Variants in CAMK4 observed in about 807,000 individuals in gnomAD.
CAMK4 encodes the protein calcium/calmodulin-dependent protein kinase type IV.
Under a neutral mutation model 44.9 loss-of-function variants are expected in CAMK4, and 22 were observed. The ratio of observed to expected loss-of-function variants is 0.49; its 90% confidence interval spans 0.35 to 0.70. CAMK4 has a LOEUF of 0.70. Among genes scored for constraint, CAMK4 ranks in the 30% least tolerant of loss-of-function variants. The pLI, the probability that CAMK4 is intolerant of heterozygous loss-of-function variation, is 0.01. For synonymous variants in CAMK4, 218 were observed against 215.4 expected, an observed-to-expected ratio of 1.01 and a Z score of -0.11; for missense variants, 498 against 586.8, an observed-to-expected ratio of 0.85 and a Z score of 1.56.
intron 4 of CAMK4, among the ~76,000 whole-genome samples, chr5:111,388,758 G>A (rs959369355): frequency 6.6e-5 from 10 of 152,144 alleles, no homozygotes; most frequent in African/African-American, 2.4e-4. Context: ...CAGTCTCTCC[G>A]TAATATTTAT....
chr5:111,329,491 A>T (rs115578317), intron 1 of CAMK4, among the ~76,000 whole-genome samples: 1,604 of 152,022 alleles, frequency 0.011, 34 homozygotes, highest in African/African-American at 0.037. Context: ...GCAGCATAAC[A>T]CTAATACCAC....
At chr5:111,434,884 T>C (rs1156587160) in intron 5 of CAMK4, among the ~76,000 whole-genome samples, 3 of 152,206 alleles carry the variant, frequency 2.0e-5, no homozygotes, top group Non-Finnish European at 2.9e-5. Flanking sequence ...GACTGTTTCT[T>C]CTTTGTCCTG....
intron 8 of CAMK4, among the ~76,000 whole-genome samples, chr5:111,476,455 T>G (rs1368464139): frequency 6.6e-6 from 1 of 151,930 alleles, no homozygotes; most frequent in African/African-American, 2.4e-5. Context: ...TTTTTTGTAT[T>G]TTTAGTAGAG....
chr5:111,465,980 A>G (rs1754813716), intron 7 of CAMK4, among the ~76,000 whole-genome samples: 1 of 152,270 alleles, frequency 6.6e-6, no homozygotes, highest in South Asian at 2.1e-4. Context: ...ATTCAACAGC[A>G]TATCAAAAAG....
chr5:111,226,060 C>G (rs139157349), intron 1 of CAMK4, among the ~76,000 whole-genome samples: 2 of 152,140 alleles, frequency 1.3e-5, no homozygotes, highest in African/African-American at 4.8e-5. Context: ...GGATGATCTA[C>G]TTAAAATTGT....
chr5:111,231,932 G>A (rs966610381), intron 1 of CAMK4, among the ~76,000 whole-genome samples: 17 of 152,322 alleles, frequency 1.1e-4, no homozygotes, highest in African/African-American at 4.1e-4. Context: ...GATGATCAAA[G>A]ATTAGCAGAG....
Position 111,473,305 on chromosome 5 carries a change from C to A in CAMK4, c.626-6C>A. On this transcript the variant is annotated splice_region_variant and splice_polypyrimidine_tract_variant and intron_variant, in intron 7 of 10. Coordinates refer to ENST00000282356, the MANE Select transcript of CAMK4 (RefSeq NM_001744.6). ...TAATTTAACACAATTTTCACTTTTTCTGCAGCACCTGAAATTCTTAGAGGT... is the reference window on the plus strand; with the variant it reads ...TAATTTAACACAATTTTCACTTTTTATGCAGCACCTGAAATTCTTAGAGGT... 6.2e-7 allele frequency: 1 copy of A among 1,601,800 alleles called. No individual in the cohort carries two copies. The highest frequency in any genetic ancestry group is 1.1e-5 in the South Asian group (1 of 90,518).
At chr5:111,388,139 C>T (rs1432917380) in intron 4 of CAMK4, among the ~76,000 whole-genome samples, 2 of 152,190 alleles carry the variant, frequency 1.3e-5, no homozygotes, top group East Asian at 1.9e-4. Flanking sequence ...TAGAAGTGGT[C>T]GAAGGGTGAT....
At chr5:111,433,422 A>G (rs574291946) in intron 5 of CAMK4, among the ~76,000 whole-genome samples, 11 of 152,328 alleles carry the variant, frequency 7.2e-5, no homozygotes, top group African/African-American at 2.2e-4. Context: ...TAGGATAGTC[A>G]TGCATTTTAC....
chr5:111,299,946 T>C (rs1747650869), intron 1 of CAMK4, among the ~76,000 whole-genome samples: 1 of 152,186 alleles, frequency 6.6e-6, no homozygotes, highest in Non-Finnish European at 1.5e-5. Flanking sequence ...TGTGGTGAGC[T>C]TTTCATGGGG....
upstream of CAMK4, chr5:111,224,290 G>T (rs1748050036): frequency 1.4e-6 from 1 of 706,956 alleles, no homozygotes; most frequent in Non-Finnish European, 2.0e-6. This position sits in a 1 kb window ranked among gnomAD's most constrained non-coding sequence, Gnocchi z 5.7. Flanking sequence ...TCCCCCTCGC[G>T]CCCTCTCGCA....
intron 1 of CAMK4, among the ~76,000 whole-genome samples, chr5:111,306,755 G>C: frequency 3.6e-5 from 1 of 27,752 alleles, no homozygotes; most frequent in Non-Finnish European, 6.5e-5. Context: ...CTACTTTAAA[G>C]TTCATATGGA....
At chr5:111,387,424 A>C (rs947393290) in intron 4 of CAMK4, among the ~76,000 whole-genome samples, 1 of 152,220 alleles carries the variant, frequency 6.6e-6, no homozygotes, top group African/African-American at 2.4e-5. Flanking sequence ...TTTGTCTAAA[A>C]TAAGTTTCTA....
intron 5 of CAMK4, among the ~76,000 whole-genome samples, chr5:111,418,780 T>C (rs1054635971): frequency 4.6e-5 from 7 of 152,182 alleles, no homozygotes; most frequent in Admixed American, 2.0e-4. Flanking sequence ...AGTCTTCATT[T>C]TTTATGGCTG....
chr5:111,423,605 T>C (rs1753108753), intron 5 of CAMK4, among the ~76,000 whole-genome samples: 1 of 152,244 alleles, frequency 6.6e-6, no homozygotes, highest in African/African-American at 2.4e-5. Context: ...ATTTAATGGC[T>C]CTCGATCCTG....
In CAMK4 at chr5:111,426,923, A is replaced by G. The variant is rs150836019; in HGVS notation, c.460-19763A>G. On this transcript the variant is annotated intron_variant, in intron 5 of 10. Coordinates refer to ENST00000282356, the MANE Select transcript of CAMK4 (RefSeq NM_001744.6). ...TCCAGGTAAACTTGCAAGGCAGTCT[A>G]GGCCACAAGGACTGCAACTCTTACA... Among the ~76,000 whole-genome samples, 578 of 152,300 alleles carry G rather than the reference A, an allele frequency of 3.8e-3. 3 individuals are homozygous for G. The highest frequency in any genetic ancestry group is 0.013 in the African/African-American group (556 of 41,556).
intron 1 of CAMK4, among the ~76,000 whole-genome samples, chr5:111,334,896 A>G (rs138644257): frequency 2.0e-5 from 3 of 151,686 alleles, no homozygotes; most frequent in East Asian, 3.9e-4. Flanking sequence ...CATCTTCAAC[A>G]TTAGAAAAAG....
intron 4 of CAMK4, among the ~76,000 whole-genome samples, chr5:111,385,595 A>G (rs755212455): frequency 1.3e-5 from 2 of 152,020 alleles, no homozygotes; most frequent in Non-Finnish European, 2.9e-5. Context: ...TGTTTTTGAG[A>G]CAGAGTCTCC....
chr5:111,244,077 A>C (rs1295166854), intron 1 of CAMK4, among the ~76,000 whole-genome samples: 1 of 152,180 alleles, frequency 6.6e-6, no homozygotes, highest in East Asian at 1.9e-4. Context: ...GGTCTTCTGC[A>C]CTTTTGTCTC....
Sources: allele counts gnomAD v4.1 joint callset (sites outside exome capture counted in the v4.1 genomes callset), GRCh38; gene constraint gnomAD v4.1.1; non-coding constraint Gnocchi (gnomAD v3.1); transcripts MANE v1.5; gene names NCBI Gene and HGNC (gene_info 2026-07-23, HGNC 2026-07-21).